The following GPC6 variants were observed in gnomAD, a reference collection of about 807,000 sequenced individuals.
GPC6 encodes glypican-6.
A neutral mutation model predicts 55.2 loss-of-function variants in GPC6; 14 were observed. The observed-to-expected ratio is 0.25, with a 90% CI of 0.17 to 0.40. The LOEUF (loss-of-function observed/expected upper bound fraction) is 0.40. GPC6 is among the 10% of genes least tolerant of loss of function. The pLI is 1.00. For synonymous variants in GPC6, 278 were observed against 259.6 expected (o/e 1.07, Z -0.68); for missense variants, 641 against 708.5 (o/e 0.90, Z 1.08).
At chr13:93,333,900 TTCTA>T (rs1481041653) in intron 1 of GPC6, among the ~76,000 whole-genome samples, 1 of 152,166 alleles carries the variant, frequency 6.6e-6, no homozygotes, top group African/African-American at 2.4e-5. Context: ...AATTTATCAG[TTCTA>T]TCTGTTTTTT....
At chr13:94,253,981 T>C (rs2139041280) in intron 4 of GPC6, among the ~76,000 whole-genome samples, 1 of 152,256 alleles carries the variant, frequency 6.6e-6, no homozygotes, top group Admixed American at 6.5e-5. Context: ...ATTTAGTCTT[T>C]CATTGATCCT....
intron 2 of GPC6, among the ~76,000 whole-genome samples, chr13:93,674,647 A>T (rs748716761): frequency 2.1e-4 from 32 of 152,186 alleles, no homozygotes; most frequent in Non-Finnish European, 4.3e-4. Flanking sequence ...TTTCTGTTTG[A>T]TTATTCTATT....
At chr13:93,623,581 C>T (rs1879059294) in intron 2 of GPC6, among the ~76,000 whole-genome samples, 2 of 151,660 alleles carry the variant, frequency 1.3e-5, no homozygotes, top group South Asian at 4.1e-4. Flanking sequence ...GCCTCAGCCT[C>T]CCAAGTAGTT....
intron 2 of GPC6, among the ~76,000 whole-genome samples, chr13:93,591,791 C>T (rs1877501929): frequency 6.6e-6 from 1 of 152,046 alleles, no homozygotes; most frequent in Non-Finnish European, 1.5e-5. Context: ...AGTAACTTCC[C>T]ATCAGTTTGG....
intron 1 of GPC6, among the ~76,000 whole-genome samples, chr13:93,335,939 A>G (rs1432287123): frequency 6.6e-6 from 1 of 152,260 alleles, no homozygotes; most frequent in Non-Finnish European, 1.5e-5. Context: ...AAGAATAGGC[A>G]CAAAACATAT....
At chr13:93,530,094 G>C (rs1178260742) in intron 1 of GPC6, among the ~76,000 whole-genome samples, 3 of 152,196 alleles carry the variant, frequency 2.0e-5, no homozygotes, top group African/African-American at 4.8e-5. Flanking sequence ...AATAGCAGTG[G>C]TATGAGCAGA....
chr13:94,048,932 G>A (rs192495178), intron 4 of GPC6, among the ~76,000 whole-genome samples: 4 of 151,850 alleles, frequency 2.6e-5, no homozygotes, highest in South Asian at 2.1e-4. Flanking sequence ...GCTCCCCTTC[G>A]GCCATTGTAT....
chr13:93,376,628 A>G (rs1874910743), intron 1 of GPC6, among the ~76,000 whole-genome samples: 1 of 152,198 alleles, frequency 6.6e-6, no homozygotes, highest in South Asian at 2.1e-4. Flanking sequence ...ATGATTGTAA[A>G]TGTTGGGTAG....
intron 1 of GPC6, among the ~76,000 whole-genome samples, chr13:93,310,272 A>T (rs1456890765): frequency 1.3e-5 from 2 of 152,128 alleles, no homozygotes; most frequent in Non-Finnish European, 2.9e-5. Flanking sequence ...AAACCGTATA[A>T]AAAACAATGC....
intron 4 of GPC6, among the ~76,000 whole-genome samples, chr13:94,164,412 A>G (rs1055667639): frequency 3.9e-5 from 6 of 152,202 alleles, no homozygotes; most frequent in African/African-American, 9.7e-5. Context: ...ACTGTCACAT[A>G]CAAGTTATAA....
chr13:93,953,007 C>T (rs1055130505), intron 3 of GPC6, among the ~76,000 whole-genome samples: 3 of 151,104 alleles, frequency 2.0e-5, no homozygotes, highest in Non-Finnish European at 4.4e-5. Flanking sequence ...TCAAACTTTC[C>T]ATATATTTTT....
intron 2 of GPC6, among the ~76,000 whole-genome samples, chr13:93,570,008 T>G (rs573501858): frequency 1.3e-5 from 2 of 152,268 alleles, no homozygotes; most frequent in African/African-American, 2.4e-5. Flanking sequence ...TAAGATTTAT[T>G]TTTGTAAATA....
At chr13:93,315,234 T>A (rs1879208302) in intron 1 of GPC6, among the ~76,000 whole-genome samples, 2 of 152,090 alleles carry the variant, frequency 1.3e-5, no homozygotes, top group African/African-American at 2.4e-5. Flanking sequence ...ATGTTGTTTG[T>A]TATGAACAGG....
intron 4 of GPC6, among the ~76,000 whole-genome samples, chr13:94,197,207 T>C (rs1889605029): frequency 6.6e-6 from 1 of 152,236 alleles, no homozygotes; most frequent in South Asian, 2.1e-4. Context: ...CTCTACAGTA[T>C]TGAGAAAATC....
At chr13:93,436,460 A>G (rs555920614) in intron 1 of GPC6, among the ~76,000 whole-genome samples, 1 of 152,106 alleles carries the variant, frequency 6.6e-6, no homozygotes, top group Non-Finnish European at 1.5e-5. Context: ...TTTTATACGG[A>G]TGGTTAAATG....
chr13:93,481,049 G>A (rs990951040), intron 1 of GPC6, among the ~76,000 whole-genome samples: 2 of 152,106 alleles, frequency 1.3e-5, no homozygotes, highest in Non-Finnish European at 2.9e-5. Flanking sequence ...GCATTTTTCA[G>A]TGCTACTAGC....
At chr13:94,293,225 G>T (rs1486438581) in intron 5 of GPC6, among the ~76,000 whole-genome samples, 1 of 152,070 alleles carries the variant, frequency 6.6e-6, no homozygotes, top group Non-Finnish European at 1.5e-5. Flanking sequence ...GCTTTGATTT[G>T]GCTCTGTGTC....
At position 93,445,249 on chromosome 13, in the gene GPC6, A is replaced by G. The variant is rs536819095; in HGVS notation, c.161-100014A>G. 5.3e-5 allele frequency among the ~76,000 whole-genome samples: 8 copies of G among 152,262 alleles called. No homozygotes were observed. The East Asian group carries it at 1.5e-3, about 29-fold the overall frequency. ...CGTAACCAGCCTATGTTTAGGTCAT[A>G]GTGAATGTGATATCATTATCTTTAC... On this transcript the variant is annotated intron_variant, in intron 1 of 8. Coordinates refer to ENST00000377047, the MANE Select transcript of GPC6 (RefSeq NM_005708.5).
intron 6 of GPC6, among the ~76,000 whole-genome samples, chr13:94,366,627 C>A (rs755197399): frequency 3.3e-5 from 5 of 152,226 alleles, no homozygotes; most frequent in Non-Finnish European, 7.3e-5. Context: ...GACCGCATAT[C>A]TAATGACCTA....
Sources: gnomAD v4.1 joint callset for allele counts (sites outside exome capture counted in the v4.1 genomes callset) on GRCh38, gnomAD v4.1.1 for gene constraint, MANE v1.5 for transcripts, NCBI Gene and HGNC (gene_info 2026-07-23, HGNC 2026-07-21) for gene names.